BAZ2A: variants seen among roughly 807,000 people sequenced by gnomAD.
BAZ2A encodes bromodomain adjacent to zinc finger domain protein 2A.
In BAZ2A, 34 loss-of-function variants were observed where a neutral mutation model predicts 199.9. The ratio of observed to expected loss-of-function variants is 0.17; its 90% CI spans 0.13 to 0.23. The LOEUF (loss-of-function observed/expected upper bound fraction) is 0.23. BAZ2A is among the 10% of genes least tolerant of loss of function. The pLI, the probability that BAZ2A is intolerant of heterozygous loss-of-function variation, is 1.00. For synonymous variants in BAZ2A, 857 were observed against 883.9 expected (o/e 0.97, Z 0.54); for missense variants, 2,002 against 2,391.1 (o/e 0.84, Z 3.39).
rs528743315 is a variant in BAZ2A, at chr12:56,614,575, TG to T, written c.730+438del. On this transcript the variant is annotated intron_variant, in intron 3 of 28. Transcript: ENST00000549884. ...GAAACTGAGTAGACAAATAATGATA[TG>T]CTCTGCCTGCTTCCTTCCCTCCTTC... 1.1e-4 allele frequency among the ~76,000 whole-genome samples: 16 copies of T among 152,338 alleles called. 1 individual carries two copies. The South Asian group carries it at 3.3e-3, about 32-fold the overall frequency.
intron 1 of BAZ2A, among the ~76,000 whole-genome samples, chr12:56,626,648 T>C (rs942851082): frequency 2.6e-5 from 4 of 152,226 alleles, no homozygotes; most frequent in Admixed American, 6.5e-5. Flanking sequence ...AAGAAGGCCA[T>C]GAAAGGTTTG....
At chr12:56,632,117 A>G (rs1951327281), upstream of BAZ2A, among the ~76,000 whole-genome samples, 3 of 151,436 alleles carry the variant, frequency 2.0e-5, no homozygotes, top group Non-Finnish European at 2.9e-5. Flanking sequence ...CACCTTGGGG[A>G]AAAAAAAATA....
Position 56,601,369 on chromosome 12 carries a change from G to A in BAZ2A, c.4105C>T (p.Pro1369Ser). 1.2e-6 allele frequency: 2 copies of A among 1,613,916 alleles called. No homozygotes were observed. Among genetic ancestry groups the A allele is most frequent in the Non-Finnish European group, 1.7e-6 (2 of 1,179,844 alleles). The change falls in exon 21 of 29, where the codon CCA becomes TCA. Residue 1369 changes from proline (P) to serine (S), a missense_variant. By Grantham distance (74) the Pro-to-Ser change is moderately conservative (BLOSUM62 -1). Transcript: ENST00000549884. Reference sequence around the variant, plus strand: ...AAGGGCGTGGAAGAGAACTGCACTGGAGAACAAGGGTTGGCAGCACTAGGT... The same window carrying A: ...AAGGGCGTGGAAGAGAACTGCACTGAAGAACAAGGGTTGGCAGCACTAGGT... ...NRPSAANPCS[P>S]VQFSSTPLAG... is the part of the protein sequence containing the mutation.
chr12:56,610,612 C>T, intron 7 of BAZ2A, 95 bp from the exon 8 acceptor site: 1 of 1,062,396 alleles, frequency 9.4e-7, no homozygotes, highest in Non-Finnish European at 1.4e-6. Context: ...ATGGCCCTCC[C>T]CACATTTGTA....
intron 11 of BAZ2A, 62 bp downstream of exon 11, chr12:56,606,571 A>C: frequency 6.7e-7 from 1 of 1,485,644 alleles, no homozygotes; most frequent in Non-Finnish European, 9.4e-7. Context: ...AAATGAAAAT[A>C]AAAGATGAAG....
At chr12:56,625,733 G>C (rs906236537) in intron 1 of BAZ2A, among the ~76,000 whole-genome samples, 2 of 151,292 alleles carry the variant, frequency 1.3e-5, no homozygotes, top group Non-Finnish European at 2.9e-5. Flanking sequence ...AAAATTAGCC[G>C]GGCATGGTGG....
chr12:56,608,729 C>T lies in BAZ2A; in HGVS notation c.2092+1007G>A, dbSNP rs1447622214. ...GGATTACAGGCATGCGCCACCATGC[C>T]TGGCTAATTTTGTATTTATAGTAGA... On this transcript the variant is annotated intron_variant, in intron 10 of 28. Transcript: ENST00000549884. 2.6e-5 allele frequency among the ~76,000 whole-genome samples: 4 copies of T among 151,786 alleles called. No individual in the cohort carries two copies. In the East Asian group the frequency reaches 5.9e-4, roughly 22 times the overall value.
Position 56,623,113 on chromosome 12 carries a change from G to A in BAZ2A, c.-2-5581C>T, listed in dbSNP as rs566453470. Among the ~76,000 whole-genome samples, 56 of 152,192 alleles carry A rather than the reference G, an allele frequency of 3.7e-4. No individual in the cohort carries two copies. In the South Asian group the frequency reaches 0.011, roughly 29 times the overall value. On this transcript the variant is annotated intron_variant, in intron 1 of 28. Coordinates refer to ENST00000549884, the MANE Select transcript of BAZ2A (RefSeq NM_001300905.2). ...TAGCCAGGCGTGGTGGCGGGCACCT[G>A]TAGTCCTACCTACTCGGGAGGCTGA...
Position 56,600,980 on chromosome 12 carries a change from C to T in BAZ2A, c.4413G>A (p.Arg1471=). 6.2e-7 allele frequency: 1 copy of T among 1,613,082 alleles called. No individual in the cohort carries two copies. The highest frequency in any genetic ancestry group is 8.5e-7 in the Non-Finnish European group (1 of 1,179,520). The change falls in exon 22 of 29, where the codon AGG becomes AGA. Residue 1471 remains arginine (R), a synonymous_variant. Coordinates refer to ENST00000549884, the MANE Select transcript of BAZ2A (RefSeq NM_001300905.2). ...KALHKHLNKH[R]DFLQEVCLRP... ...GCAGGCAGACTTCCTGCAAGAAGTCCCTGTGCTTGTTAAGGTGTTTGTGAA... is the reference window on the plus strand; with the variant it reads ...GCAGGCAGACTTCCTGCAAGAAGTCTCTGTGCTTGTTAAGGTGTTTGTGAA...
At position 56,601,717 on chromosome 12, in the gene BAZ2A, T is replaced by A; in HGVS notation, c.3900A>T (p.Ser1300=). The change falls in exon 20 of 29, where the codon TCA becomes TCT. Residue 1300 remains serine, a synonymous_variant. Transcript: ENST00000549884. ...CAGGCTCTGGCTCCTCCGGGGGTTG[T>A]GATGGAGCTGGGTCTAGTTTTCCCG... The part of the protein sequence containing the change: ...SSPGKLDPAP[S]QPPEEPEPDE... 1 of 1,613,932 alleles carries A rather than the reference T, an allele frequency of 6.2e-7. No individual in the cohort carries two copies. The highest frequency in any genetic ancestry group is 8.5e-7 in the Non-Finnish European group (1 of 1,179,874).
rs778231169 is a variant in BAZ2A, at chr12:56,614,017, A to T, written c.852T>A (p.Asp284Glu). 1.2e-6 allele frequency: 2 copies of T among 1,613,972 alleles called. No individual in the cohort carries two copies. The highest frequency in any genetic ancestry group is 1.7e-6 in the Non-Finnish European group (2 of 1,179,870). ...SCLDDPSHLP[D>E]QLEDTPILSE... ...TGAGGATTGGAGTGTCTTCCAGTTG[A>T]TCAGGAAGATGTGAAGGATCATCTA... The change falls in exon 4 of 29, where the codon GAT becomes GAA. Residue 284 changes from aspartate (D) to glutamate (E), a missense_variant. Coordinates refer to ENST00000549884, the MANE Select transcript of BAZ2A (RefSeq NM_001300905.2).
At chr12:56,602,546 G>A (rs1950212059) in intron 19 of BAZ2A, among the ~76,000 whole-genome samples, 167 bp downstream of exon 19, 1 of 152,190 alleles carries the variant, frequency 6.6e-6, no homozygotes, top group Non-Finnish European at 1.5e-5. Flanking sequence ...TCATACAGCT[G>A]GAAATGGCAG....
At chr12:56,613,911 C>T (rs966487249) in intron 4 of BAZ2A, 42 bp downstream of exon 4, 2 of 1,579,248 alleles carry the variant, frequency 1.3e-6, no homozygotes, top group African/African-American at 2.7e-5. Context: ...AGTTTGGCTA[C>T]TCTGCATGGA....
intron 1 of BAZ2A, among the ~76,000 whole-genome samples, chr12:56,619,201 T>G (rs529404782): frequency 4.6e-4 from 70 of 151,482 alleles, no homozygotes; most frequent in Non-Finnish European, 9.3e-4. Context: ...AAAAATTAGC[T>G]GGGCGTGGTG....
chr12:56,596,127 A>G lies in BAZ2A; in HGVS notation c.*2491T>C, dbSNP rs1885796960. 6.5e-6 allele frequency: 1 copy of G among 152,732 alleles called. No homozygotes were observed. Among genetic ancestry groups the G allele is most frequent in the Non-Finnish European group, 1.5e-5 (1 of 68,054 alleles). 9.5% of individuals were successfully genotyped at this position (152,732 alleles called of 1,614,324 possible). On this transcript the variant is annotated 3_prime_UTR_variant, in exon 29 of 29. Coordinates refer to ENST00000549884, the MANE Select transcript of BAZ2A (RefSeq NM_001300905.2). Reference sequence around the variant, plus strand: ...ATTCACAAAAAACTGTACATTATCAAAAAGTCACTAAAACACCACATTTGG... The same window carrying G: ...ATTCACAAAAAACTGTACATTATCAGAAAGTCACTAAAACACCACATTTGG...
rs752211572 is a variant in BAZ2A, at chr12:56,603,548, G to C, written c.3191C>G (p.Pro1064Arg). 5.0e-6 allele frequency: 8 copies of C among 1,613,888 alleles called. No individual in the cohort carries two copies. The highest frequency in any genetic ancestry group is 1.6e-4 in the Middle Eastern group (1 of 6,084). ...TCCATCTCTTCGACCCCTGCGGCCAGGGACAGCTGCTATAGACTCCTCTTC... is the reference window on the plus strand; with the variant it reads ...TCCATCTCTTCGACCCCTGCGGCCACGGACAGCTGCTATAGACTCCTCTTC... ...EEEEESIAAV[P>R]GRRGRRDGEV... The change falls in exon 17 of 29, where the codon CCT becomes CGT. Residue 1064 changes from proline (P) to arginine (R), a missense_variant. Around this residue, in one of 6 missense-constraint regions of BAZ2A, gnomAD observed 1,081 missense variants for 1,274.7 expected, o/e 0.85. Transcript: ENST00000549884.
chr12:56,614,074 T>C lies in BAZ2A; in HGVS notation c.795A>G (p.Ser265=). Residue 265 remains serine (S), a synonymous_variant, in exon 4 of 29, where the codon TCA becomes TCG. Transcript: ENST00000549884. ...TCACTGTGGGGTCAGGGACCAGGAC[T>C]GAGACCTCTTGGTGTAACGATTCCA... ...PSVESLHQEV[S]VLVPDPTVSC... 1.2e-6 allele frequency: 2 copies of C among 1,613,922 alleles called. No homozygotes were observed. The highest frequency in any genetic ancestry group is 1.7e-6 in the Non-Finnish European group (2 of 1,179,806).
At position 56,599,756 on chromosome 12, in the gene BAZ2A, G is replaced by C. The variant is rs755397553; in HGVS notation, c.5118C>G (p.Pro1706=). Residue 1706 remains proline, a synonymous_variant, in exon 26 of 29, where the codon CCC becomes CCG. Coordinates refer to ENST00000549884, the MANE Select transcript of BAZ2A (RefSeq NM_001300905.2). The stretch of plus-strand genomic sequence containing the variant: ...CTCCTTCTGGGACAGCCTCCATCTT[G>C]GGACGATGGCAGTAAATGTGGCAGC... ...DRGCHIYCHR[P]KMEAVPEGDW... 48 of 1,614,000 alleles carry C rather than the reference G, an allele frequency of 3.0e-5. No homozygotes were observed. The highest frequency in any genetic ancestry group is 4.0e-5 in the Non-Finnish European group (47 of 1,179,888).
chr12:56,600,478 G>C lies in BAZ2A; in HGVS notation c.4615C>G (p.Pro1539Ala). The part of the protein sequence containing the change: ...SDLQIRGWTC[P>A]SPDSTREDLA... Reference sequence around the variant, plus strand: ...TCTTCACGGGTAGAGTCTGGGCTAGGACATGTCCAGCCCTTCAGTTAAGAG... The same window carrying C: ...TCTTCACGGGTAGAGTCTGGGCTAGCACATGTCCAGCCCTTCAGTTAAGAG... The change falls in exon 24 of 29, where the codon CCT becomes GCT. Residue 1539 changes from proline to alanine, a missense_variant. By Grantham distance (27) the Pro-to-Ala change is conservative (BLOSUM62 -1). Around this residue, in one of 6 missense-constraint regions of BAZ2A, gnomAD observed 1,081 missense variants for 1,274.7 expected, o/e 0.85. Coordinates refer to ENST00000549884, the MANE Select transcript of BAZ2A (RefSeq NM_001300905.2). 6.2e-7 allele frequency: 1 copy of C among 1,612,896 alleles called. No individual in the cohort carries two copies. Among genetic ancestry groups the C allele is most frequent in the Non-Finnish European group, 8.5e-7 (1 of 1,179,528 alleles).
Sources: allele counts gnomAD v4.1 joint callset (sites outside exome capture counted in the v4.1 genomes callset), GRCh38; gene constraint gnomAD v4.1.1; regional missense constraint gnomAD v4.1.1; transcripts MANE v1.5; gene names NCBI Gene and HGNC (gene_info 2026-07-23, HGNC 2026-07-21).